EGLN1: variants seen among roughly 807,000 people sequenced by gnomAD.
EGLN1 encodes egl-9 family hypoxia inducible factor 1, also known as egl nine homolog 1.
A neutral mutation model predicts 38.3 loss-of-function variants in EGLN1; 17 were observed. The observed-to-expected ratio is 0.44, with a 90% CI of 0.30 to 0.67. EGLN1 has a LOEUF of 0.67. EGLN1 is among the 30% of genes least tolerant of loss of function. The pLI, the probability that EGLN1 is intolerant of heterozygous loss-of-function variation, is 0.08. For synonymous variants in EGLN1, 283 were observed against 257.5 expected (o/e 1.10, Z -0.95); for missense variants, 477 against 603.3 (o/e 0.79, Z 2.19).
Position 231,422,204 on chromosome 1 carries a change from G to GGCC in EGLN1, c.-319_-317dup, listed in dbSNP as rs1232424278. ...TGGGGAGCGCAAGACCGGCCCCCTC[G>GGCC]GCCGCCGCCGCCGCCTCAGCGTCCC... On this transcript the variant is annotated 5_prime_UTR_variant, in exon 1 of 5. Transcript: ENST00000366641. 10 of 196,970 alleles carry GGCC rather than the reference G, an allele frequency of 5.1e-5. No individual in the cohort carries two copies. The highest frequency in any genetic ancestry group is 1.4e-4 in the African/African-American group (6 of 42,876). 12.2% of individuals were successfully genotyped at this position (196,970 alleles called of 1,614,324 possible).
intron 1 of EGLN1, among the ~76,000 whole-genome samples, chr1:231,376,087 C>T (rs1163561413): frequency 3.3e-5 from 5 of 152,140 alleles, no homozygotes; most frequent in Admixed American, 6.6e-5. Context: ...GGGGCTAAAA[C>T]GATGAACCAA....
chr1:231,397,832 C>A (rs950965432), intron 1 of EGLN1, among the ~76,000 whole-genome samples: 7 of 152,070 alleles, frequency 4.6e-5, no homozygotes, highest in African/African-American at 1.7e-4. Flanking sequence ...TATACAGGGG[C>A]CAAATAGAAA....
intron 1 of EGLN1, among the ~76,000 whole-genome samples, chr1:231,375,602 A>T (rs1687938493): frequency 6.6e-6 from 1 of 152,208 alleles, no homozygotes; most frequent in Non-Finnish European, 1.5e-5. Context: ...GAATTTTTGG[A>T]GAACATTATA....
chr1:231,396,971 T>A (rs1180802653), intron 1 of EGLN1, among the ~76,000 whole-genome samples: 1 of 152,220 alleles, frequency 6.6e-6, no homozygotes, highest in Admixed American at 6.5e-5. Context: ...AGCTCTTATC[T>A]TTTGCTTCAA....
intron 1 of EGLN1, among the ~76,000 whole-genome samples, chr1:231,394,384 T>G (rs889752831): frequency 3.3e-5 from 5 of 149,320 alleles, no homozygotes; most frequent in African/African-American, 1.2e-4. Context: ...CAATTTTCCT[T>G]TTTTTTTTTT....
intron 1 of EGLN1, among the ~76,000 whole-genome samples, chr1:231,400,208 G>A (rs535802865): frequency 3.3e-5 from 5 of 152,012 alleles, no homozygotes; most frequent in Non-Finnish European, 7.4e-5. Context: ...TAACAATGGA[G>A]AGTATGCCCT....
At chr1:231,398,044 C>T (rs1377563269) in intron 1 of EGLN1, among the ~76,000 whole-genome samples, 2 of 152,188 alleles carry the variant, frequency 1.3e-5, no homozygotes, top group African/African-American at 4.8e-5. Flanking sequence ...TCAGGAACTA[C>T]TATTCAGGGC....
chr1:231,398,329 C>CT (rs1430360399), intron 1 of EGLN1, among the ~76,000 whole-genome samples: 1 of 103,542 alleles, frequency 9.7e-6, no homozygotes, highest in Non-Finnish European at 2.5e-5. Context: ...AGTCCAACAT[C>CT]TTTTTCTTTT....
chr1:231,414,470 G>A (rs1689025585), intron 1 of EGLN1, among the ~76,000 whole-genome samples: 1 of 152,180 alleles, frequency 6.6e-6, no homozygotes, highest in Non-Finnish European at 1.5e-5. Context: ...CAGAAACACA[G>A]AGTGGGAAGA....
chr1:231,422,001 C>A lies in EGLN1; in HGVS notation c.-113G>T. ...GAGAGAGATAGGGGCCGTTACTGCG[C>A]CATGCACCCGCTACCCTCGCCTCAG... On this transcript the variant is annotated 5_prime_UTR_variant, in exon 1 of 5. Coordinates refer to ENST00000366641, the MANE Select transcript of EGLN1 (RefSeq NM_022051.3). The A allele has an allele frequency of 8.7e-7, 1 of 1,153,368 alleles. No individual in the cohort carries two copies. Among genetic ancestry groups the A allele is most frequent in the Non-Finnish European group, 1.1e-6 (1 of 897,898 alleles). The allele number at this position is 1,153,368 out of a possible 1,614,324, so 71.4% of individuals were successfully genotyped here.
In EGLN1 at chr1:231,366,344, G is replaced by A. The variant is rs1687643330; in HGVS notation, c.*67C>T. 7.2e-6 allele frequency: 11 copies of A among 1,529,530 alleles called. No homozygotes were observed. The highest frequency in any genetic ancestry group is 5.6e-5 in the South Asian group (5 of 88,848). 94.7% of individuals were successfully genotyped at this position (1,529,530 alleles called of 1,614,324 possible). A position where few individuals can be genotyped will look rare whatever the true frequency, so the allele number is the denominator to read the frequency against. ...CTATTTTTCTTTATCCCATTTATTC[G>A]TATTCACAAGTTAACAAATAGTTAA... On this transcript the variant is annotated 3_prime_UTR_variant, in exon 5 of 5. Transcript: ENST00000366641.
intron 1 of EGLN1, among the ~76,000 whole-genome samples, chr1:231,374,521 A>ATTT (rs57402041): frequency 1.4e-5 from 2 of 146,792 alleles, no homozygotes; most frequent in Non-Finnish European, 3.0e-5. Flanking sequence ...AATGGTACCA[A>ATTT]TTTTTTTTTT....
chr1:231,409,421 T>C (rs1298737826), intron 1 of EGLN1, among the ~76,000 whole-genome samples: 1 of 152,086 alleles, frequency 6.6e-6, no homozygotes, highest in Non-Finnish European at 1.5e-5. Flanking sequence ...GAGAATTACT[T>C]TGACCTGGGC....
chr1:231,380,688 C>A (rs1165164225), intron 1 of EGLN1, among the ~76,000 whole-genome samples: 1 of 152,178 alleles, frequency 6.6e-6, no homozygotes, highest in Non-Finnish European at 1.5e-5. Context: ...TATATTCCTA[C>A]TGGCTTTGTA....
chr1:231,397,653 T>G (rs561205243), intron 1 of EGLN1, among the ~76,000 whole-genome samples: 1 of 152,324 alleles, frequency 6.6e-6, no homozygotes, highest in African/African-American at 2.4e-5. Context: ...ACATGAGGAT[T>G]GTTAAGGCTA....
intron 2 of EGLN1, among the ~76,000 whole-genome samples, chr1:231,371,977 G>T (rs1687835357): frequency 6.6e-6 from 1 of 152,186 alleles, no homozygotes; most frequent in African/African-American, 2.4e-5. Flanking sequence ...GTGTTGTTCA[G>T]AGTGATTCCC....
intron 1 of EGLN1, among the ~76,000 whole-genome samples, chr1:231,417,921 A>C (rs974031807): frequency 6.6e-6 from 1 of 152,234 alleles, no homozygotes; most frequent in African/African-American, 2.4e-5. Context: ...ATTCTTAGTC[A>C]GAAAACCTGA....
chr1:231,406,850 C>T (rs1262083908), intron 1 of EGLN1, among the ~76,000 whole-genome samples: 2 of 152,010 alleles, frequency 1.3e-5, no homozygotes, highest in Non-Finnish European at 2.9e-5. Context: ...CTTATATGAC[C>T]GCCTTGGAAA....
At chr1:231,381,643 T>A (rs958744937) in intron 1 of EGLN1, among the ~76,000 whole-genome samples, 1 of 152,258 alleles carries the variant, frequency 6.6e-6, no homozygotes, top group Non-Finnish European at 1.5e-5. Flanking sequence ...GATGCCTTAG[T>A]ACTCTCTGAG....
Sources: allele counts gnomAD v4.1 joint callset (sites outside exome capture counted in the v4.1 genomes callset), GRCh38; gene constraint gnomAD v4.1.1; transcripts MANE v1.5; gene names NCBI Gene and HGNC (gene_info 2026-07-23, HGNC 2026-07-21).